Variants in IFT56 observed in about 807,000 individuals in gnomAD.
The protein encoded by IFT56 is intraflagellar transport 56, also known as intraflagellar transport protein 56.
chr7:139,158,695 T>C, the IFT56 span, among the ~76,000 whole-genome samples: 1 of 151,972 alleles, frequency 6.6e-6, no homozygotes, highest in African/African-American at 2.4e-5. Context: ...AGGCGGATCA[T>C]TTGAGGTCAG....
chr7:139,185,714 G>A, the IFT56 span, among the ~76,000 whole-genome samples: 3 of 152,012 alleles, frequency 2.0e-5, no homozygotes, highest in Non-Finnish European at 4.4e-5. Context: ...TGCTCTCAGT[G>A]TCTTGACCTG....
the IFT56 span, among the ~76,000 whole-genome samples, chr7:139,149,304 CAAA>C: frequency 9.0e-5 from 10 of 110,890 alleles, no homozygotes; most frequent in African/African-American, 6.2e-5. Context: ...GACTCCATCT[CAAA>C]AAAAAAAAAA....
At chr7:139,161,106 AG>A in the IFT56 span, 1 of 1,241,964 alleles carries the variant, frequency 8.1e-7, no homozygotes, top group African/African-American at 1.5e-5. Context: ...TAATAAAAGG[AG>A]ATGCGCCAGC....
chr7:139,189,504 A>G, the IFT56 span: 3 of 1,059,506 alleles, frequency 2.8e-6, no homozygotes, highest in African/African-American at 3.2e-5. Flanking sequence ...CTCCAGTTTA[A>G]TCTGTGATAC....
chr7:139,139,821 C>A, the IFT56 span: 1 of 965,506 alleles, frequency 1.0e-6, no homozygotes, highest in South Asian at 1.5e-5. Context: ...AATCCTATTC[C>A]ATTGTGGAAG....
At chr7:139,173,774 T>C in the IFT56 span, 5 of 755,012 alleles carry the variant, frequency 6.6e-6, no homozygotes, top group African/African-American at 3.4e-5. Flanking sequence ...TGGTCTGGCA[T>C]GAAAGTTTCA....
At chr7:139,184,991 T>C in the IFT56 span, among the ~76,000 whole-genome samples, 3 of 150,944 alleles carry the variant, frequency 2.0e-5, no homozygotes. Context: ...GAGGTGGAGC[T>C]TGCAGTGAGC....
At chr7:139,160,688 G>A in the IFT56 span, among the ~76,000 whole-genome samples, 1 of 152,038 alleles carries the variant, frequency 6.6e-6, no homozygotes, top group Non-Finnish European at 1.5e-5. Context: ...CGCCCGCCTT[G>A]GCCTCCAAAA....
the IFT56 span, among the ~76,000 whole-genome samples, chr7:139,182,898 C>T: frequency 6.6e-6 from 1 of 152,046 alleles, no homozygotes; most frequent in East Asian, 1.9e-4. Context: ...TGCATGAGGA[C>T]TGAGAAGACA....
the IFT56 span, among the ~76,000 whole-genome samples, chr7:139,155,391 G>A: frequency 2.0e-5 from 3 of 152,108 alleles, no homozygotes; most frequent in South Asian, 2.1e-4. Flanking sequence ...GTTCCTGATC[G>A]TAGGTGGAAA....
chr7:139,186,628 G>A, the IFT56 span, among the ~76,000 whole-genome samples: 60 of 152,104 alleles, frequency 3.9e-4, no homozygotes, highest in African/African-American at 1.4e-3. Context: ...TGAGAATTTA[G>A]GAACAAGACT....
At chr7:139,180,620 G>C in the IFT56 span, among the ~76,000 whole-genome samples, 2 of 150,668 alleles carry the variant, frequency 1.3e-5, no homozygotes, top group Non-Finnish European at 1.5e-5. Flanking sequence ...TGAGGCACGA[G>C]AATCACTTAA....
At chr7:139,164,673 T>C in the IFT56 span, among the ~76,000 whole-genome samples, 1 of 152,122 alleles carries the variant, frequency 6.6e-6, no homozygotes, top group Admixed American at 6.5e-5. Flanking sequence ...ACTATACTAG[T>C]CGCAGTTCTC....
At chr7:139,179,001 G>C in the IFT56 span, among the ~76,000 whole-genome samples, 109 of 152,240 alleles carry the variant, frequency 7.2e-4, no homozygotes, top group South Asian at 1.2e-3. Context: ...GTACAGAAAA[G>C]TATACATATC....
the IFT56 span, among the ~76,000 whole-genome samples, chr7:139,166,076 G>C: frequency 3.3e-5 from 5 of 152,184 alleles, no homozygotes; most frequent in South Asian, 2.1e-4. Context: ...TCCTGCCTCA[G>C]CCTCCCAAGT....
the IFT56 span, chr7:139,161,209 G>A: frequency 2.0e-6 from 1 of 501,128 alleles, no homozygotes; most frequent in Non-Finnish European, 3.5e-6. Context: ...ATCCTTGTTG[G>A]GAGAACAGGA....
the IFT56 span, among the ~76,000 whole-genome samples, chr7:139,177,333 G>C: frequency 1.3e-5 from 2 of 151,294 alleles, no homozygotes; most frequent in Non-Finnish European, 2.9e-5. Flanking sequence ...TATTTGAGTG[G>C]TGGAGGATTA....
chr7:139,160,137 A>G, the IFT56 span, among the ~76,000 whole-genome samples: 2 of 152,198 alleles, frequency 1.3e-5, no homozygotes, highest in Non-Finnish European at 2.9e-5. Context: ...CTGAGCAGAC[A>G]TGCACTCCCA....
At chr7:139,165,301 G>A in the IFT56 span, 4 of 1,047,788 alleles carry the variant, frequency 3.8e-6, no homozygotes, top group East Asian at 8.1e-5. Context: ...ATGTCTGATG[G>A]AACTATTTGC....
Sources: gnomAD v4.1 joint callset for allele counts (sites outside exome capture counted in the v4.1 genomes callset) on GRCh38, gnomAD v4.1.1 for gene constraint, MANE v1.5 for transcripts, NCBI Gene and HGNC (gene_info 2026-07-23, HGNC 2026-07-21) for gene names.